NELL2: variants seen among roughly 807,000 people sequenced by gnomAD.
The protein encoded by NELL2 is protein kinase C-binding protein NELL2.
In NELL2, 41 loss-of-function variants were observed where a neutral mutation model predicts 109.6. The observed-to-expected ratio is 0.37, with a 90% CI of 0.29 to 0.49. The LOEUF (loss-of-function observed/expected upper bound fraction) is 0.49. Ranked by LOEUF, NELL2 falls within the 20% of genes least tolerant of loss-of-function variation. NELL2 has a pLI of 0.98. For missense variants in NELL2, 900 were observed against 1,008.3 expected, an observed-to-expected ratio of 0.89 and a Z score of 1.45; for synonymous variants, 355 against 344.7, an observed-to-expected ratio of 1.03 and a Z score of -0.33.
At chr12:44,597,817 A>G (rs1398599543) in intron 15 of NELL2, among the ~76,000 whole-genome samples, 1 of 152,302 alleles carries the variant, frequency 6.6e-6, no homozygotes, top group African/African-American at 2.4e-5. Flanking sequence ...AAAGAAAACT[A>G]AAGGAAAGGG....
chr12:44,550,190 A>G (rs1942973585), intron 15 of NELL2, among the ~76,000 whole-genome samples: 1 of 152,148 alleles, frequency 6.6e-6, no homozygotes, highest in Non-Finnish European at 1.5e-5. Context: ...ATATTCACAC[A>G]CAAAAGAATG....
At chr12:44,740,331 T>A (rs547882154) in intron 9 of NELL2, among the ~76,000 whole-genome samples, 2 of 152,280 alleles carry the variant, frequency 1.3e-5, no homozygotes, top group East Asian at 3.9e-4. Flanking sequence ...ATTCCTATAA[T>A]TGTTATACCA....
intron 2 of NELL2, among the ~76,000 whole-genome samples, chr12:44,844,707 A>G (rs1345773218): frequency 6.6e-6 from 1 of 152,226 alleles, no homozygotes; most frequent in Non-Finnish European, 1.5e-5. Context: ...AAATGTTAAC[A>G]GATGAGCACA....
At chr12:44,802,194 A>C (rs1188677884) in intron 3 of NELL2, among the ~76,000 whole-genome samples, 3 of 152,128 alleles carry the variant, frequency 2.0e-5, no homozygotes, top group Non-Finnish European at 4.4e-5. Flanking sequence ...TTGAATCCTG[A>C]TAAACTGGAG....
intron 9 of NELL2, among the ~76,000 whole-genome samples, chr12:44,724,187 ACACTGAATACATATGGATGTTAAATTAAG>A (rs2136459581): frequency 6.6e-6 from 1 of 151,456 alleles, no homozygotes; most frequent in Admixed American, 6.6e-5. Flanking sequence ...TGGGAGCTAA[ACACTGAATACATATGGATGTTAAATTAAG>A]AACAATAGTC....
intron 2 of NELL2, among the ~76,000 whole-genome samples, chr12:44,845,101 G>T (rs1308625773): frequency 6.6e-6 from 1 of 151,966 alleles, no homozygotes; most frequent in African/African-American, 2.4e-5. Context: ...TTATAAACTA[G>T]AAAAATTCAA....
At chr12:44,755,495 G>C (rs1940850293) in intron 9 of NELL2, among the ~76,000 whole-genome samples, 2 of 151,718 alleles carry the variant, frequency 1.3e-5, no homozygotes, top group South Asian at 4.2e-4. Flanking sequence ...ACATCCATGT[G>C]ATTGACCTAT....
At chr12:44,533,097 G>C (rs184275518) in intron 15 of NELL2, among the ~76,000 whole-genome samples, 11 of 152,298 alleles carry the variant, frequency 7.2e-5, no homozygotes, top group African/African-American at 2.6e-4. Flanking sequence ...ACTTAAGCCA[G>C]TTAAGGAGTG....
At chr12:44,526,669 C>T (rs1034604404) in intron 16 of NELL2, among the ~76,000 whole-genome samples, 3 of 152,116 alleles carry the variant, frequency 2.0e-5, no homozygotes, top group African/African-American at 4.8e-5. Context: ...AGATCAAGAA[C>T]GATGTATAGA....
chr12:44,787,339 A>G (rs888168705), intron 3 of NELL2, among the ~76,000 whole-genome samples: 2 of 152,174 alleles, frequency 1.3e-5, no homozygotes, highest in Non-Finnish European at 2.9e-5. Flanking sequence ...AAAGAAGTCA[A>G]TTCTCCCCAG....
chr12:44,828,435 G>A (rs59476102), intron 2 of NELL2, among the ~76,000 whole-genome samples: 3,468 of 152,042 alleles, frequency 0.023, 72 homozygotes, highest in East Asian at 0.048. Context: ...AATTTCTTTC[G>A]AATCTACAGC....
intron 15 of NELL2, among the ~76,000 whole-genome samples, chr12:44,575,407 C>T (rs1210823788): frequency 6.6e-6 from 1 of 152,228 alleles, no homozygotes; most frequent in African/African-American, 2.4e-5. Flanking sequence ...GGCTTGGAAG[C>T]ATTTACACTT....
chr12:44,561,355 AG>A (rs1341867696), intron 15 of NELL2, among the ~76,000 whole-genome samples: 142 of 152,196 alleles, frequency 9.3e-4, no homozygotes, highest in Non-Finnish European at 5.9e-5. Flanking sequence ...AAAGCAATAA[AG>A]GGTATTCAAA....
chr12:44,706,859 G>A (rs1234792300), intron 11 of NELL2, among the ~76,000 whole-genome samples: 1 of 152,012 alleles, frequency 6.6e-6, no homozygotes, highest in Non-Finnish European at 1.5e-5. Context: ...CCCTTTGCAA[G>A]CTTTACAAAA....
chr12:44,805,561 A>C (rs1229485793), intron 3 of NELL2, among the ~76,000 whole-genome samples: 1 of 151,890 alleles, frequency 6.6e-6, no homozygotes, highest in Non-Finnish European at 1.5e-5. Flanking sequence ...ACATCTAAGT[A>C]GATACCTTAG....
intron 15 of NELL2, among the ~76,000 whole-genome samples, chr12:44,598,924 TA>T (rs1309050106): frequency 2.1e-4 from 30 of 142,986 alleles, no homozygotes; most frequent in African/African-American, 7.5e-4. Flanking sequence ...CACTCACAGA[TA>T]AAAAAAATCC....
intron 15 of NELL2, among the ~76,000 whole-genome samples, chr12:44,558,629 G>T (rs553675328): frequency 6.6e-6 from 1 of 152,182 alleles, no homozygotes; most frequent in African/African-American, 2.4e-5. Flanking sequence ...CCATGAGGAA[G>T]GGTGCACTCT....
At chr12:44,557,385 C>A (rs1428700292) in intron 15 of NELL2, among the ~76,000 whole-genome samples, 1 of 152,054 alleles carries the variant, frequency 6.6e-6, no homozygotes, top group Non-Finnish European at 1.5e-5. Context: ...AGAGACGGGG[C>A]AGTAACAGGA....
chr12:44,850,924 C>T (rs933660967), intron 2 of NELL2, among the ~76,000 whole-genome samples: 3 of 151,982 alleles, frequency 2.0e-5, no homozygotes, highest in African/African-American at 4.8e-5. Context: ...AGTGGTGGTT[C>T]CAGGTGAAAG....
Sources: allele counts gnomAD v4.1 joint callset (sites outside exome capture counted in the v4.1 genomes callset), GRCh38; gene constraint gnomAD v4.1.1; transcripts MANE v1.5; gene names NCBI Gene and HGNC (gene_info 2026-07-23, HGNC 2026-07-21).